The following GABRB1 variants were observed in gnomAD, a reference collection of about 807,000 sequenced individuals.
GABRB1 encodes gamma-aminobutyric acid receptor subunit beta-1.
A neutral mutation model predicts 51.6 loss-of-function variants in GABRB1; 17 were observed. The observed-to-expected ratio is 0.33, with a 90% CI of 0.23 to 0.49. GABRB1 has a LOEUF of 0.49. Among genes scored for constraint, GABRB1 ranks in the 20% least tolerant of loss-of-function variants. GABRB1 has a pLI of 0.99. For synonymous variants in GABRB1, 247 were observed against 218.9 expected, an observed-to-expected ratio of 1.13 and a Z score of -1.14; for missense variants, 410 against 600.6, an observed-to-expected ratio of 0.68 and a Z score of 3.32.
chr4:47,143,779 C>A (rs936682687), intron 3 of GABRB1, among the ~76,000 whole-genome samples: 6 of 151,826 alleles, frequency 4.0e-5, no homozygotes, highest in Non-Finnish European at 7.4e-5. Context: ...CAGCTCACAC[C>A]TGTTGAAATG....
chr4:47,368,739 T>C (rs1727080334), intron 5 of GABRB1, among the ~76,000 whole-genome samples: 1 of 152,012 alleles, frequency 6.6e-6, no homozygotes, highest in South Asian at 2.1e-4. Context: ...GTTAATAGTC[T>C]CAGCAGTGTA....
intron 5 of GABRB1, among the ~76,000 whole-genome samples, chr4:47,343,890 C>G (rs936616849): frequency 1.3e-5 from 2 of 152,180 alleles, no homozygotes; most frequent in Non-Finnish European, 2.9e-5. Context: ...CTTTTAGTAA[C>G]TTGCTCAGAG....
At chr4:47,080,226 G>T (rs946202637) in intron 3 of GABRB1, among the ~76,000 whole-genome samples, 17 of 151,374 alleles carry the variant, frequency 1.1e-4, no homozygotes, top group Admixed American at 1.1e-3. Context: ...TCAAGGCAGT[G>T]AGAAAAACTG....
intron 3 of GABRB1, among the ~76,000 whole-genome samples, chr4:47,098,436 C>T (rs969370901): frequency 1.3e-5 from 2 of 152,004 alleles, no homozygotes; most frequent in African/African-American, 4.8e-5. Context: ...GGGTACCTGC[C>T]ATTTGGAACT....
chr4:47,240,413 C>G (rs974919081), intron 4 of GABRB1, among the ~76,000 whole-genome samples: 2 of 152,080 alleles, frequency 1.3e-5, no homozygotes, highest in Non-Finnish European at 1.5e-5. Flanking sequence ...ACTGTGCATG[C>G]ATAATGAATA....
At chr4:47,247,149 G>A (rs1474813279) in intron 4 of GABRB1, among the ~76,000 whole-genome samples, 1 of 152,068 alleles carries the variant, frequency 6.6e-6, no homozygotes, top group Non-Finnish European at 1.5e-5. Context: ...AATTTTTATA[G>A]TTTCAGATCT....
intron 1 of GABRB1, among the ~76,000 whole-genome samples, chr4:46,996,256 C>G (rs969147262): frequency 1.3e-5 from 2 of 152,156 alleles, no homozygotes; most frequent in South Asian, 4.2e-4. Flanking sequence ...ATACCTATAC[C>G]TCTTTTTTTC....
At chr4:47,386,581 A>G (rs1727801316) in intron 5 of GABRB1, among the ~76,000 whole-genome samples, 1 of 152,240 alleles carries the variant, frequency 6.6e-6, no homozygotes, top group African/African-American at 2.4e-5. Context: ...ATGTACCTAC[A>G]TAAATTAATG....
intron 5 of GABRB1, among the ~76,000 whole-genome samples, chr4:47,368,763 TATTTAAACTTAA>T (rs529843524): frequency 1.3e-5 from 2 of 151,976 alleles, no homozygotes; most frequent in Non-Finnish European, 2.9e-5. Context: ...CCACTAACAT[TATTTAAACTTAA>T]ATAATGTTAG....
At chr4:47,199,866 G>A (rs1434905948) in intron 4 of GABRB1, among the ~76,000 whole-genome samples, 4 of 152,210 alleles carry the variant, frequency 2.6e-5, no homozygotes, top group African/African-American at 2.4e-5. Context: ...GAAAAAAAAT[G>A]TTGTCAGTCA....
intron 5 of GABRB1, among the ~76,000 whole-genome samples, chr4:47,401,551 G>C (rs1298390338): frequency 6.6e-6 from 1 of 152,122 alleles, no homozygotes; most frequent in Non-Finnish European, 1.5e-5. Context: ...AGTGGCTGAG[G>C]GGGGAAAGAA....
intron 1 of GABRB1, among the ~76,000 whole-genome samples, chr4:47,010,996 T>A (rs1386325533): frequency 1.3e-5 from 2 of 152,168 alleles, no homozygotes; most frequent in Non-Finnish European, 2.9e-5. Context: ...AGAGTCCTTC[T>A]TCAGCTAGAG....
At chr4:47,072,511 A>G (rs1351214028) in intron 3 of GABRB1, among the ~76,000 whole-genome samples, 2 of 152,236 alleles carry the variant, frequency 1.3e-5, no homozygotes, top group African/African-American at 2.4e-5. Context: ...TCTGTATCAT[A>G]TAAGAAGCAT....
At chr4:47,056,713 A>G (rs367616766) in intron 3 of GABRB1, among the ~76,000 whole-genome samples, 1 of 152,168 alleles carries the variant, frequency 6.6e-6, no homozygotes, top group East Asian at 1.9e-4. Context: ...AGCTGACATG[A>G]TGATATGATC....
intron 3 of GABRB1, among the ~76,000 whole-genome samples, chr4:47,138,734 G>A (rs973933222): frequency 2.6e-5 from 4 of 152,076 alleles, no homozygotes; most frequent in African/African-American, 9.7e-5. Flanking sequence ...GAAGACAGAT[G>A]TTCAAAACTG....
At chr4:47,205,087 G>T (rs919153207) in intron 4 of GABRB1, among the ~76,000 whole-genome samples, 1 of 152,086 alleles carries the variant, frequency 6.6e-6, no homozygotes, top group Non-Finnish European at 1.5e-5. Flanking sequence ...GTCACACAGA[G>T]GCAGTTTTAC....
intron 1 of GABRB1, among the ~76,000 whole-genome samples, chr4:47,006,350 T>A (rs1724397667): frequency 6.6e-6 from 1 of 152,134 alleles, no homozygotes; most frequent in Non-Finnish European, 1.5e-5. Context: ...ATACATATAA[T>A]ACAGAGTGCA....
intron 4 of GABRB1, among the ~76,000 whole-genome samples, chr4:47,294,037 G>T (rs530189566): frequency 1.1e-4 from 16 of 152,254 alleles, no homozygotes; most frequent in South Asian, 1.0e-3. Flanking sequence ...GCATAAAAAG[G>T]AAGCAAATGT....
intron 4 of GABRB1, among the ~76,000 whole-genome samples, chr4:47,202,516 T>A (rs2109798862): frequency 6.6e-6 from 1 of 152,310 alleles, no homozygotes; most frequent in South Asian, 2.1e-4. Flanking sequence ...AGTTTTGAGA[T>A]CACTTGTATG....
Sources: gnomAD v4.1 joint callset for allele counts (sites outside exome capture counted in the v4.1 genomes callset) on GRCh38, gnomAD v4.1.1 for gene constraint, MANE v1.5 for transcripts, NCBI Gene and HGNC (gene_info 2026-07-23, HGNC 2026-07-21) for gene names.